Variants in PPP2R2B observed in about 807,000 individuals in gnomAD.
PPP2R2B encodes serine/threonine-protein phosphatase 2A 55 kDa regulatory subunit B beta isoform.
PPP2R2B carries 5 observed loss-of-function variants against 46.0 expected under a neutral mutation model. The ratio of observed to expected loss-of-function variants is 0.11; its 90% CI spans 0.06 to 0.23. The LOEUF (loss-of-function observed/expected upper bound fraction) is 0.23, where lower values mean the gene tolerates loss of function less well. Ranked by LOEUF, PPP2R2B falls within the 10% of genes least tolerant of loss-of-function variation. The pLI, the probability that PPP2R2B is intolerant of heterozygous loss-of-function variation, is 1.00. For missense variants in PPP2R2B, 367 were observed against 575.0 expected (o/e 0.64, Z 3.70); for synonymous variants, 215 against 206.7 (o/e 1.04, Z -0.34).
chr5:146,973,028 T>A (rs1397807377), intron 1 of PPP2R2B, among the ~76,000 whole-genome samples: 1 of 152,050 alleles, frequency 6.6e-6, no homozygotes, highest in Non-Finnish European at 1.5e-5. Flanking sequence ...TATGGTTTAT[T>A]TATCACACTT....
chr5:146,949,336 A>G (rs1764582405), intron 1 of PPP2R2B, among the ~76,000 whole-genome samples: 1 of 152,144 alleles, frequency 6.6e-6, no homozygotes, highest in Admixed American at 6.6e-5. Context: ...TTAAAAATTG[A>G]CAAGAGTTCT....
chr5:146,877,211 C>T (rs80032804), intron 2 of PPP2R2B, among the ~76,000 whole-genome samples: 5,014 of 152,290 alleles, frequency 0.033, 100 homozygotes, highest in African/African-American at 0.056. Flanking sequence ...TCCCTTCCTG[C>T]CCGCACAGCA....
chr5:146,996,337 G>A (rs1753921046), intron 1 of PPP2R2B, among the ~76,000 whole-genome samples: 1 of 152,140 alleles, frequency 6.6e-6, no homozygotes, highest in Admixed American at 6.5e-5. Context: ...CAAAATCAGA[G>A]TTTGAAAGTG....
rs74560425 is a variant in PPP2R2B at position 146,906,991 on chromosome 5, G to C, written c.79+148674C>G. 1.2e-3 allele frequency among the ~76,000 whole-genome samples: 187 copies of C among 152,296 alleles called. 3 individuals are homozygous for C. The East Asian group carries it at 0.02, about 16-fold the overall frequency. On this transcript the variant is annotated intron_variant, in intron 1 of 8. Coordinates refer to the PPP2R2B transcript ENST00000336640. ...GGAGACAGGATGAGTAACACAGGAA[G>C]GGGGCGCTGCAGGGACAGAGGCCTA...
intron 5 of PPP2R2B, among the ~76,000 whole-genome samples, chr5:146,667,998 C>T (rs974867002): frequency 2.6e-5 from 4 of 152,182 alleles, no homozygotes; most frequent in Admixed American, 6.5e-5. Context: ...ATCCCATATT[C>T]GTAATCACAT....
chr5:146,634,977 G>T lies in PPP2R2B; in HGVS notation c.790+3274C>A, dbSNP rs952070334. On this transcript the variant is annotated intron_variant, in intron 7 of 9. Transcript: ENST00000394411. ...TCCTATATCTGGCAAGAGGGTTGGG[G>T]TTTCGAACATCTTATGTCTGCAGGC... Among the ~76,000 whole-genome samples, 5 of 152,258 alleles carry T rather than the reference G, an allele frequency of 3.3e-5. No homozygotes were observed. The South Asian group carries it at 8.3e-4, about 25-fold the overall frequency.
intron 2 of PPP2R2B, among the ~76,000 whole-genome samples, chr5:146,792,029 A>T (rs976312679): frequency 6.6e-6 from 1 of 152,192 alleles, no homozygotes; most frequent in African/African-American, 2.4e-5. Context: ...ATGTTTCCTA[A>T]GGATTTAAGG....
intron 5 of PPP2R2B, among the ~76,000 whole-genome samples, chr5:146,670,685 G>T (rs565593033): frequency 6.6e-6 from 1 of 151,722 alleles, no homozygotes; most frequent in African/African-American, 2.4e-5. Context: ...TAGTGGAGAC[G>T]GGGTTTCATC....
intron 2 of PPP2R2B, among the ~76,000 whole-genome samples, chr5:146,758,781 T>C (rs1753986326): frequency 6.6e-6 from 1 of 152,186 alleles, no homozygotes; most frequent in African/African-American, 2.4e-5. Flanking sequence ...CTGTAGGTCA[T>C]AGGAATAATC....
At chr5:146,764,829 T>C (rs963189655) in intron 2 of PPP2R2B, among the ~76,000 whole-genome samples, 1 of 138,532 alleles carries the variant, frequency 7.2e-6, no homozygotes, top group African/African-American at 3.1e-5. Context: ...GAGAGAGAGA[T>C]ACACGCACAC....
At chr5:146,683,981 A>G (rs1357515329) in intron 5 of PPP2R2B, among the ~76,000 whole-genome samples, 3 of 152,236 alleles carry the variant, frequency 2.0e-5, no homozygotes, top group Admixed American at 2.0e-4. Context: ...CAGGATGGGG[A>G]GGATAGAGCG....
intron 2 of PPP2R2B, among the ~76,000 whole-genome samples, chr5:146,708,368 A>AC (rs1410220783): frequency 6.6e-6 from 1 of 150,478 alleles, no homozygotes; most frequent in Admixed American, 6.6e-5. Flanking sequence ...AAAAAAAAAA[A>AC]AACACTGTAT....
intron 1 of PPP2R2B, among the ~76,000 whole-genome samples, chr5:147,033,417 G>A (rs1289619803): frequency 6.6e-6 from 1 of 152,182 alleles, no homozygotes; most frequent in African/African-American, 2.4e-5. Flanking sequence ...GAACAGAGGT[G>A]TGTCTATCTT....
At chr5:146,693,373 C>T (rs1778993512) in intron 4 of PPP2R2B, among the ~76,000 whole-genome samples, 2 of 152,048 alleles carry the variant, frequency 1.3e-5, no homozygotes, top group South Asian at 2.1e-4. Context: ...TGCCACCACG[C>T]CCAGAGAATT....
chr5:146,627,811 C>T (rs1173991833), intron 7 of PPP2R2B, among the ~76,000 whole-genome samples: 2 of 152,056 alleles, frequency 1.3e-5, no homozygotes, highest in African/African-American at 2.4e-5. Context: ...TAGTACCCTC[C>T]CCCTCTACTA....
intron 2 of PPP2R2B, among the ~76,000 whole-genome samples, chr5:147,068,282 A>C (rs1757472230): frequency 6.6e-6 from 1 of 152,160 alleles, no homozygotes; most frequent in East Asian, 1.9e-4. Flanking sequence ...CCCATTTTAC[A>C]GAGGAGTAAA....
chr5:146,817,234 A>T (rs940487702), intron 2 of PPP2R2B, among the ~76,000 whole-genome samples: 2 of 152,114 alleles, frequency 1.3e-5, no homozygotes, highest in Non-Finnish European at 2.9e-5. Flanking sequence ...AATGACATTT[A>T]AGGTACTTAT....
intron 2 of PPP2R2B, among the ~76,000 whole-genome samples, chr5:146,814,742 C>G (rs1757826095): frequency 6.6e-6 from 1 of 152,228 alleles, no homozygotes; most frequent in Non-Finnish European, 1.5e-5. Flanking sequence ...GGCCACTGCT[C>G]ATGCAGACAG....
At chr5:146,865,326 A>T (rs1030801135) in intron 2 of PPP2R2B, among the ~76,000 whole-genome samples, 1 of 143,234 alleles carries the variant, frequency 7.0e-6, no homozygotes, top group Non-Finnish European at 1.5e-5. Context: ...ACACACACAC[A>T]CACTGAGCCT....
Sources: allele counts gnomAD v4.1 joint callset (sites outside exome capture counted in the v4.1 genomes callset), GRCh38; gene constraint gnomAD v4.1.1; transcripts MANE v1.5; gene names NCBI Gene and HGNC (gene_info 2026-07-23, HGNC 2026-07-21).